The following NT5DC3 variants were observed in gnomAD, a reference collection of about 807,000 sequenced individuals.
NT5DC3 encodes 5'-nucleotidase domain-containing protein 3.
Under a neutral mutation model 67.8 loss-of-function variants are expected in NT5DC3, and 42 were observed. The observed-to-expected ratio is 0.62, with a 90% confidence interval of 0.48 to 0.80. The LOEUF (loss-of-function observed/expected upper bound fraction) is 0.80, where lower values mean the gene tolerates loss of function less well. Among genes scored for constraint, NT5DC3 ranks in the 30% least tolerant of loss-of-function variants. The pLI is 0.00. For synonymous variants in NT5DC3, 237 were observed against 255.6 expected, an observed-to-expected ratio of 0.93 and a Z score of 0.69; for missense variants, 570 against 696.4, an observed-to-expected ratio of 0.82 and a Z score of 2.04.
chr12:103,787,004 C>G (rs1193640170), intron 11 of NT5DC3, among the ~76,000 whole-genome samples: 2 of 152,038 alleles, frequency 1.3e-5, no homozygotes, highest in Admixed American at 6.6e-5. Context: ...TTTCTTGAAG[C>G]CTTTGAATAT....
intron 1 of NT5DC3, among the ~76,000 whole-genome samples, chr12:103,818,818 T>C (rs1887372314): frequency 6.6e-6 from 1 of 152,220 alleles, no homozygotes; most frequent in Non-Finnish European, 1.5e-5. Context: ...TGATATCTAA[T>C]ACTGAAGATC....
chr12:103,748,625 C>T, the NT5DC3 span, among the ~76,000 whole-genome samples: 90 of 73,998 alleles, frequency 1.2e-3, no homozygotes, highest in Non-Finnish European at 1.6e-3. Flanking sequence ...CACACACACA[C>T]ACACACACAC....
chr12:103,750,586 A>T, the NT5DC3 span: 3 of 1,614,062 alleles, frequency 1.9e-6, no homozygotes, highest in African/African-American at 2.7e-5. Context: ...CAGGGCAAGC[A>T]CAAGTGTGAG....
At chr12:103,834,306 C>T (rs969141242) in intron 1 of NT5DC3, among the ~76,000 whole-genome samples, 2 of 152,138 alleles carry the variant, frequency 1.3e-5, no homozygotes, top group African/African-American at 4.8e-5. Flanking sequence ...GATGCATAAA[C>T]ATTCACACAT....
At chr12:103,761,151 G>A in the NT5DC3 span, 1 of 669,590 alleles carries the variant, frequency 1.5e-6, no homozygotes, top group South Asian at 1.8e-5. Context: ...GGGCTGTCCA[G>A]AGGGTGAGGA....
downstream of NT5DC3, chr12:103,772,239 T>C (rs535310769): frequency 6.6e-6 from 1 of 152,384 alleles, no homozygotes; most frequent in East Asian, 1.9e-4. Context: ...AAAACGATAC[T>C]GTGGATTCAT....
chr12:103,775,177 A>G lies in NT5DC3; in HGVS notation c.*2652T>C, dbSNP rs1308470074. The G allele has an allele frequency of 1.3e-5, 2 of 152,234 alleles. No homozygotes were observed. Among genetic ancestry groups the G allele is most frequent in the Non-Finnish European group, 2.9e-5 (2 of 68,040 alleles). 9.4% of individuals were successfully genotyped at this position (152,234 alleles called of 1,614,324 possible). On this transcript the variant is annotated 3_prime_UTR_variant, in exon 14 of 14. Coordinates refer to ENST00000392876, the MANE Select transcript of NT5DC3 (RefSeq NM_001031701.3). The stretch of plus-strand genomic sequence containing the variant: ...TGGGTCTACAGTCTGCAAGGTACAC[A>G]GTCAGTGAGCCTTGGTGGCCCAGAT...
At chr12:103,794,118 C>A in intron 6 of NT5DC3, 121 bp from the exon 7 acceptor site, 2 of 647,258 alleles carry the variant, frequency 3.1e-6, no homozygotes, top group East Asian at 3.6e-5. Flanking sequence ...CCAGGCCCTA[C>A]ACAAAATCTA....
At chr12:103,770,233 C>A (rs1885150635), downstream of NT5DC3, among the ~76,000 whole-genome samples, 1 of 151,970 alleles carries the variant, frequency 6.6e-6, no homozygotes, top group Non-Finnish European at 1.5e-5. Flanking sequence ...ACATGTAAAC[C>A]TGTCATTAAA....
intron 2 of NT5DC3, among the ~76,000 whole-genome samples, chr12:103,812,543 CTTTTTATGTTCACAAAT>C (rs1238914526): frequency 2.6e-5 from 4 of 152,318 alleles, no homozygotes; most frequent in South Asian, 2.1e-4. Context: ...ATTTCATAAA[CTTTTTATGTTCACAAAT>C]TTTTTATTTT....
chr12:103,825,896 C>T (rs1025849054), intron 1 of NT5DC3, among the ~76,000 whole-genome samples: 25 of 152,168 alleles, frequency 1.6e-4, no homozygotes, highest in Admixed American at 1.4e-3. Context: ...TGCTGTGCAC[C>T]GGGTTCTTCT....
Position 103,809,304 on chromosome 12 carries a change from C to G in NT5DC3, c.394-2375G>C, listed in dbSNP as rs146569490. ...CTGCTGAAAAGTCTGGTGGTTCTTT[C>G]TTTGAATGAGGCTTATCTGGGCTCC... On this transcript the variant is annotated intron_variant, in intron 2 of 13. Coordinates refer to ENST00000392876, the MANE Select transcript of NT5DC3 (RefSeq NM_001031701.3). 3.6e-3 allele frequency among the ~76,000 whole-genome samples: 546 copies of G among 152,362 alleles called. 6 individuals carry two copies. The highest frequency in any genetic ancestry group is 0.02 in the South Asian group (98 of 4,828).
chr12:103,803,426 TATTA>T (rs1886665570), intron 4 of NT5DC3, among the ~76,000 whole-genome samples: 1 of 152,224 alleles, frequency 6.6e-6, no homozygotes, highest in African/African-American at 2.4e-5. Flanking sequence ...CACAAAAATG[TATTA>T]ATTATATTTA....
intron 9 of NT5DC3, chr12:103,789,122 G>A (rs1469959799): frequency 1.3e-5 from 7 of 519,010 alleles, no homozygotes; most frequent in Admixed American, 6.4e-5. Context: ...GGTGTTCCAC[G>A]AAAAAAAAGA....
At position 103,773,505 on chromosome 12, in the gene NT5DC3, T is replaced by A. The variant is rs1202512130; in HGVS notation, c.*4324A>T. ...CTGTTACTAAATGACACTAGTAGTGTCAAAGGTTAGCTGAACTTTGAGCTA... is the reference window on the plus strand; with the variant it reads ...CTGTTACTAAATGACACTAGTAGTGACAAAGGTTAGCTGAACTTTGAGCTA... On this transcript the variant is annotated 3_prime_UTR_variant, in exon 14 of 14. Transcript: ENST00000392876. The A allele has an allele frequency of 6.6e-6, 1 of 152,018 alleles. No individual in the cohort carries two copies. The allele number at this position is 152,018 out of a possible 1,614,324, so 9.4% of individuals were successfully genotyped here.
At chr12:103,795,995 G>A (rs1047131517) in intron 6 of NT5DC3, among the ~76,000 whole-genome samples, 1 of 152,190 alleles carries the variant, frequency 6.6e-6, no homozygotes, top group Admixed American at 6.5e-5. Context: ...TTAAAGTCAC[G>A]GATGCCAAGA....
In NT5DC3 at chr12:103,793,993, G is replaced by C; in HGVS notation, c.758C>G (p.Ser253Ter). ...TCCTTTGATGTGGACGTCTCGAATT[G>C]AATCCTGCCAAAAGATACATTTTTA... The part of the protein sequence containing the change: ...PVHLYKDVKD[S>*]IRDVHIKGIM... Residue 253 changes from serine (S) to a stop codon, truncating the protein, a stop_gained, in exon 7 of 14, where the codon TCA (serine) becomes TGA (stop). Coordinates refer to ENST00000392876, the MANE Select transcript of NT5DC3 (RefSeq NM_001031701.3). LOFTEE classifies it high-confidence loss of function. 1 of 1,613,196 alleles carries C rather than the reference G, an allele frequency of 6.2e-7. No homozygotes were observed. The highest frequency in any genetic ancestry group is 1.1e-5 in the South Asian group (1 of 91,054).
intron 2 of NT5DC3, among the ~76,000 whole-genome samples, chr12:103,813,407 C>A (rs1161446338): frequency 1.3e-5 from 2 of 152,202 alleles, no homozygotes; most frequent in Admixed American, 1.3e-4. Flanking sequence ...GTGGCCATAA[C>A]TAAAGAAAGC....
chr12:103,825,375 A>C (rs536823900), intron 1 of NT5DC3, among the ~76,000 whole-genome samples: 1 of 152,380 alleles, frequency 6.6e-6, no homozygotes, highest in South Asian at 2.1e-4. Context: ...ACTACATTTG[A>C]AATAAAATTA....
Sources: allele counts gnomAD v4.1 joint callset (sites outside exome capture counted in the v4.1 genomes callset), GRCh38; gene constraint gnomAD v4.1.1; transcripts MANE v1.5; gene names NCBI Gene and HGNC (gene_info 2026-07-23, HGNC 2026-07-21).